Variants in TMEM51 observed in about 807,000 individuals in gnomAD.
TMEM51 encodes the protein chromosome 1 open reading frame 72.
A neutral mutation model predicts 13.6 loss-of-function variants in TMEM51; 8 were observed. That is an observed-to-expected ratio of 0.59 (90% CI 0.35 to 1.07). The LOEUF (loss-of-function observed/expected upper bound fraction) is 1.07, where lower values mean the gene tolerates loss of function less well. TMEM51 is among the 50% of genes least tolerant of loss of function. TMEM51 has a pLI of 0.02. For missense variants in TMEM51, 279 were observed against 330.7 expected (o/e 0.84, Z 1.21); for synonymous variants, 147 against 144.4 (o/e 1.02, Z -0.13).
At chr1:15,165,538 A>G (rs1461456743) in intron 1 of TMEM51, among the ~76,000 whole-genome samples, 1 of 152,240 alleles carries the variant, frequency 6.6e-6, no homozygotes, top group Non-Finnish European at 1.5e-5. Context: ...CTGAAAACAC[A>G]GGCCCAAACC....
intron 1 of TMEM51, chr1:15,191,851 G>A (rs529018166): frequency 1.4e-5 from 7 of 483,508 alleles, no homozygotes; most frequent in South Asian, 7.6e-5. Context: ...CTATTAAACA[G>A]CCAGAAAGCT....
In TMEM51 at chr1:15,153,790, G is replaced by C. The variant is rs7530108; in HGVS notation, c.-431G>C. On this transcript the variant is annotated 5_prime_UTR_variant, in exon 1 of 4. Coordinates refer to ENST00000376008, the MANE Select transcript of TMEM51 (RefSeq NM_001136218.2). ...CCCCAACCCGGTCCCTGAGAGGGCA[G>C]TGCGCCCTCTCCACCACTGCGTTCC... 0.75 allele frequency: 113,103 copies of C among 151,522 alleles called. 42,599 individuals carry two copies. Among genetic ancestry groups the C allele is most frequent in the East Asian group, 0.94 (4,657 of 4,976 alleles). 9.4% of individuals were successfully genotyped at this position (151,522 alleles called of 1,614,324 possible). A position where few individuals can be genotyped will look rare whatever the true frequency, so the allele number is the denominator to read the frequency against.
chr1:15,167,263 C>T (rs1212003628), intron 1 of TMEM51, among the ~76,000 whole-genome samples: 1 of 139,396 alleles, frequency 7.2e-6, no homozygotes, highest in African/African-American at 2.7e-5. Context: ...GGAAGCGCAG[C>T]TTGCAGTGAG....
At chr1:15,190,269 A>T (rs1643898928) in intron 1 of TMEM51, among the ~76,000 whole-genome samples, 1 of 152,210 alleles carries the variant, frequency 6.6e-6, no homozygotes, top group African/African-American at 2.4e-5. Context: ...TGACTCTAGC[A>T]TGGGATTGGC....
intron 1 of TMEM51, among the ~76,000 whole-genome samples, chr1:15,162,184 A>G (rs1642802847): frequency 1.3e-5 from 2 of 151,976 alleles, no homozygotes. Flanking sequence ...TCTTTTTTTG[A>G]GACAGTCTTA....
intron 1 of TMEM51, among the ~76,000 whole-genome samples, chr1:15,184,028 CT>C (rs1379090074): frequency 6.6e-6 from 1 of 152,162 alleles, no homozygotes; most frequent in Non-Finnish European, 1.5e-5. Context: ...TTTCCTTCTT[CT>C]TTCCTTCCTT....
intron 1 of TMEM51, among the ~76,000 whole-genome samples, chr1:15,169,808 A>AT (rs758360837): frequency 6.6e-6 from 1 of 152,196 alleles, no homozygotes; most frequent in Non-Finnish European, 1.5e-5. Context: ...GAAGCTGTCC[A>AT]TTTTTTATTT....
At chr1:15,211,821 A>AACCC (rs1644343024) in intron 2 of TMEM51, among the ~76,000 whole-genome samples, 1 of 101,212 alleles carries the variant, frequency 9.9e-6, no homozygotes, top group Non-Finnish European at 1.9e-5. Flanking sequence ...CTGAAAGGTG[A>AACCC]CCCCCCCCCC....
intron 1 of TMEM51, among the ~76,000 whole-genome samples, chr1:15,155,939 G>T (rs1164775390): frequency 6.6e-6 from 1 of 152,208 alleles, no homozygotes; most frequent in Non-Finnish European, 1.5e-5. Context: ...CTGCCTGGAA[G>T]TTGGCGAGGA....
At chr1:15,216,466 C>A (rs1167139454) in intron 3 of TMEM51, among the ~76,000 whole-genome samples, 1 of 151,568 alleles carries the variant, frequency 6.6e-6, no homozygotes, top group Non-Finnish European at 1.5e-5. Flanking sequence ...CTTTTTTTTG[C>A]CTATCATATT....
intron 1 of TMEM51, chr1:15,192,147 C>T: frequency 2.2e-6 from 1 of 447,490 alleles, no homozygotes; most frequent in Non-Finnish European, 4.5e-6. Context: ...CATTTTCATT[C>T]ATAGACCGTG....
intron 1 of TMEM51, among the ~76,000 whole-genome samples, chr1:15,205,381 A>G (rs1644231511): frequency 6.6e-6 from 1 of 152,136 alleles, no homozygotes; most frequent in Admixed American, 6.5e-5. Context: ...CCACTTTCCC[A>G]TCGCTGTGGG....
intron 1 of TMEM51, chr1:15,191,765 C>T (rs967104396): frequency 3.4e-5 from 10 of 297,174 alleles, no homozygotes; most frequent in African/African-American, 1.1e-4. Flanking sequence ...TTGAAGTTTG[C>T]AAATCTTTTT....
intron 1 of TMEM51, among the ~76,000 whole-genome samples, chr1:15,209,067 T>G (rs1447884447): frequency 4.6e-5 from 7 of 151,400 alleles, no homozygotes; most frequent in African/African-American, 9.8e-5. Flanking sequence ...GTGTGTGTGT[T>G]TGTTTGTTTC....
chr1:15,215,235 A>G lies in TMEM51; in HGVS notation c.148A>G (p.Lys50Glu), dbSNP rs1479142373. 1 of 1,614,200 alleles carries G rather than the reference A, an allele frequency of 6.2e-7. No homozygotes were observed. The highest frequency in any genetic ancestry group is 2.2e-5 in the East Asian group (1 of 44,890). Residue 50 changes from lysine (K) to glutamate (E), a missense_variant, in exon 3 of 4, where the codon AAG (lysine) becomes GAG (glutamate). By Grantham distance (56) the Lys-to-Glu change is moderately conservative (BLOSUM62 1). Transcript: ENST00000376008. ...GAAGCCAACAGCTCAGGGCAGCAAC[A>G]AGACCGAGGTGGGTGGCGGCATCCT... ...AEKPTAQGSN[K>E]TEVGGGILKS...
rs1009143161 is a variant in TMEM51, at chr1:15,207,327, G to T, written c.-266-3163G>T. Among the ~76,000 whole-genome samples, 1 of 152,206 alleles carries T rather than the reference G, an allele frequency of 6.6e-6. No homozygotes were observed. The highest frequency in any genetic ancestry group is 1.5e-5 in the Non-Finnish European group (1 of 68,038). ...CACAGAACTCAGTGGTCACGTGAGG[G>T]TCTACATCCGATTCCCAGTTTCTAA... On this transcript the variant is annotated intron_variant, in intron 1 of 3. Coordinates refer to ENST00000376008, the MANE Select transcript of TMEM51 (RefSeq NM_001136218.2). This position sits in a 1 kb window ranked among gnomAD's most constrained non-coding sequence, Gnocchi z 4.6.
At chr1:15,212,457 A>G (rs1365986110) in intron 2 of TMEM51, among the ~76,000 whole-genome samples, 1 of 149,894 alleles carries the variant, frequency 6.7e-6, no homozygotes, top group African/African-American at 2.4e-5. Flanking sequence ...GGCTCAAATC[A>G]CTAGTCTGCT....
rs1440241822 is a variant in TMEM51, at chr1:15,207,196, T to C, written c.-266-3294T>C. 6.6e-6 allele frequency among the ~76,000 whole-genome samples: 1 copy of C among 152,118 alleles called. No homozygotes were observed. Among genetic ancestry groups the C allele is most frequent in the African/African-American group, 2.4e-5 (1 of 41,412 alleles). On this transcript the variant is annotated intron_variant, in intron 1 of 3. Coordinates refer to ENST00000376008, the MANE Select transcript of TMEM51 (RefSeq NM_001136218.2). The surrounding 1 kb of genome is among the most constrained non-coding windows in gnomAD (Gnocchi z 4.6). ...GGAGAATGCTCAAGGAGCCCCTCTGTCATGGGGGTTGGTAGCACCGCCAGC... is the reference window on the plus strand; with the variant it reads ...GGAGAATGCTCAAGGAGCCCCTCTGCCATGGGGGTTGGTAGCACCGCCAGC...
chr1:15,192,248 T>G, intron 1 of TMEM51: 1 of 318,236 alleles, frequency 3.1e-6, no homozygotes, highest in Non-Finnish European at 6.3e-6. Context: ...GGTCTTTCAC[T>G]TAGTTTTTAG....
Sources: allele counts gnomAD v4.1 joint callset (sites outside exome capture counted in the v4.1 genomes callset), GRCh38; gene constraint gnomAD v4.1.1; non-coding constraint Gnocchi (gnomAD v3.1); transcripts MANE v1.5; gene names NCBI Gene and HGNC (gene_info 2026-07-23, HGNC 2026-07-21).